Variants in NEDD4L observed in about 807,000 individuals in gnomAD.
The protein encoded by NEDD4L is NEDD4 like E3 ubiquitin protein ligase.
Under a neutral mutation model 148.9 loss-of-function variants are expected in NEDD4L, and 54 were observed. The observed-to-expected ratio is 0.36, with a 90% confidence interval of 0.29 to 0.45. NEDD4L has a LOEUF of 0.45. Among genes scored for constraint, NEDD4L ranks in the 20% least tolerant of loss-of-function variants. NEDD4L has a pLI of 1.00. For missense variants in NEDD4L, 856 were observed against 1,233.8 expected (o/e 0.69, Z 4.59); for synonymous variants, 433 against 440.7 (o/e 0.98, Z 0.22).
chr18:58,180,674 G>A (rs2038760762), intron 2 of NEDD4L, among the ~76,000 whole-genome samples: 1 of 152,108 alleles, frequency 6.6e-6, no homozygotes, highest in Non-Finnish European at 1.5e-5. Context: ...TATTCTGTAG[G>A]TTTAGGACAT....
At chr18:58,117,130 G>T (rs1224254859) in intron 1 of NEDD4L, among the ~76,000 whole-genome samples, 1 of 152,246 alleles carries the variant, frequency 6.6e-6, no homozygotes, top group Non-Finnish European at 1.5e-5. Context: ...TGGAGCATTT[G>T]CAGAACCGCC....
Position 58,101,546 on chromosome 18 carries a change from G to A in NEDD4L, c.48+56838G>A, listed in dbSNP as rs117496693. On this transcript the variant is annotated intron_variant, in intron 1 of 30. Coordinates refer to ENST00000400345, the MANE Select transcript of NEDD4L (RefSeq NM_001144967.3). ...AGTATTTCTCGGTTCCGTCCGTGTC[G>A]AGTGTCATTTGAGTAGCAAGTGACT... Among the ~76,000 whole-genome samples, 114 of 152,232 alleles carry A rather than the reference G, an allele frequency of 7.5e-4. 2 individuals carry two copies. In the East Asian group the frequency reaches 0.019, roughly 25 times the overall value.
At chr18:58,378,769 G>A (rs2047922423) in intron 24 of NEDD4L, among the ~76,000 whole-genome samples, 1 of 152,200 alleles carries the variant, frequency 6.6e-6, no homozygotes, top group African/African-American at 2.4e-5. Context: ...AAGCAGATAA[G>A]CCTTGCTCCA....
intron 5 of NEDD4L, among the ~76,000 whole-genome samples, chr18:58,283,115 G>A (rs766248798): frequency 2.6e-5 from 4 of 151,738 alleles, no homozygotes; most frequent in African/African-American, 4.8e-5. Context: ...TCGCTCTGTC[G>A]CCCAGGCTGG....
chr18:58,228,055 A>C, intron 2 of NEDD4L: 4 of 162,400 alleles, frequency 2.5e-5, no homozygotes, highest in Non-Finnish European at 5.2e-5. Context: ...CATAAATCTC[A>C]AGATTTACCC....
intron 16 of NEDD4L, among the ~76,000 whole-genome samples, chr18:58,344,480 C>T (rs1328869842): frequency 1.3e-5 from 2 of 152,214 alleles, no homozygotes; most frequent in African/African-American, 4.8e-5. Flanking sequence ...CATTTCAAAA[C>T]AGCCCTAAGT....
At chr18:58,072,302 A>G (rs1053904641) in intron 1 of NEDD4L, among the ~76,000 whole-genome samples, 1 of 152,224 alleles carries the variant, frequency 6.6e-6, no homozygotes, top group Non-Finnish European at 1.5e-5. Flanking sequence ...ATAAATACAG[A>G]GGCCAAAATC....
chr18:58,386,331 A>G (rs1420350510), intron 26 of NEDD4L, among the ~76,000 whole-genome samples: 7 of 152,100 alleles, frequency 4.6e-5, no homozygotes, highest in Admixed American at 3.9e-4. Context: ...GATTACAGGC[A>G]TGAGCCGCCG....
At chr18:58,175,707 G>A (rs1295408813) in intron 2 of NEDD4L, among the ~76,000 whole-genome samples, 3 of 152,234 alleles carry the variant, frequency 2.0e-5, no homozygotes, top group Non-Finnish European at 2.9e-5. Flanking sequence ...TGTTCTAGCT[G>A]TATTCCTTCC....
intron 2 of NEDD4L, among the ~76,000 whole-genome samples, chr18:58,230,930 G>A (rs542898171): frequency 3.3e-5 from 5 of 152,210 alleles, no homozygotes; most frequent in Admixed American, 6.5e-5. Context: ...CGGTTTAGGC[G>A]AATTAAGATT....
chr18:58,270,391 A>C (rs991673256), intron 5 of NEDD4L, among the ~76,000 whole-genome samples: 10 of 152,242 alleles, frequency 6.6e-5, no homozygotes, highest in African/African-American at 2.4e-4. Context: ...CTCCCCCAGC[A>C]CAGGAGAGTG....
intron 5 of NEDD4L, chr18:58,255,690 C>T: frequency 8.1e-7 from 1 of 1,232,448 alleles, no homozygotes; most frequent in Non-Finnish European, 1.0e-6. Context: ...AGCAACACAG[C>T]CCCCGAATCA....
intron 2 of NEDD4L, among the ~76,000 whole-genome samples, chr18:58,219,804 C>T (rs61676880): frequency 0.041 from 6,288 of 152,234 alleles, 351 homozygotes; most frequent in African/African-American, 0.12. Context: ...TACAATTAAG[C>T]CCATCACAAT....
intron 3 of NEDD4L, among the ~76,000 whole-genome samples, chr18:58,246,041 C>T (rs1165358786): frequency 6.6e-6 from 1 of 151,808 alleles, no homozygotes; most frequent in African/African-American, 2.4e-5. Flanking sequence ...AAGTGTCTTT[C>T]AGTATTAAAT....
chr18:58,228,569 A>G (rs2044654797), intron 2 of NEDD4L, among the ~76,000 whole-genome samples: 1 of 152,220 alleles, frequency 6.6e-6, no homozygotes, highest in African/African-American at 2.4e-5. Flanking sequence ...ATTTGGCTGC[A>G]TTGACAAGAT....
At chr18:58,151,740 A>C (rs2034795087) in intron 1 of NEDD4L, among the ~76,000 whole-genome samples, 1 of 151,540 alleles carries the variant, frequency 6.6e-6, no homozygotes, top group Admixed American at 6.6e-5. Context: ...TTTGGAAATA[A>C]TCTATGGGGT....
intron 1 of NEDD4L, among the ~76,000 whole-genome samples, chr18:58,133,682 A>G (rs1020405805): frequency 2.0e-5 from 3 of 152,202 alleles, no homozygotes; most frequent in Non-Finnish European, 2.9e-5. Context: ...TGCACACATC[A>G]TGATGATAAT....
At chr18:58,234,097 C>CTTTCTTTCTTTCTTTCTTTCTTTCT (rs1483373337) in intron 2 of NEDD4L, among the ~76,000 whole-genome samples, 4 of 83,358 alleles carry the variant, frequency 4.8e-5, no homozygotes, top group South Asian at 4.2e-4. Flanking sequence ...TTCTTTCTTT[C>CTTTCTTTCTTTCTTTCTTTCTTTCT]TTTCTTTTCT....
At chr18:58,320,074 T>C (rs146426914) in intron 6 of NEDD4L, among the ~76,000 whole-genome samples, 1 of 152,322 alleles carries the variant, frequency 6.6e-6, no homozygotes, top group Non-Finnish European at 1.5e-5. Flanking sequence ...CTGTGTGATA[T>C]CAGTCATTTA....
Sources: allele counts gnomAD v4.1 joint callset (sites outside exome capture counted in the v4.1 genomes callset), GRCh38; gene constraint gnomAD v4.1.1; transcripts MANE v1.5; gene names NCBI Gene and HGNC (gene_info 2026-07-23, HGNC 2026-07-21).